STK32C: variants seen among roughly 807,000 people sequenced by gnomAD.
The protein encoded by STK32C is serine/threonine-protein kinase 32C.
Under a neutral mutation model 56.5 loss-of-function variants are expected in STK32C, and 31 were observed. The observed-to-expected ratio is 0.55, with a 90% CI of 0.41 to 0.74. The LOEUF (loss-of-function observed/expected upper bound fraction) is 0.74, where lower values mean the gene tolerates loss of function less well. Among genes scored for constraint, STK32C ranks in the 30% least tolerant of loss-of-function variants. STK32C has a pLI of 0.00. For synonymous variants in STK32C, 309 were observed against 289.4 expected (o/e 1.07, Z -0.69); for missense variants, 544 against 676.9 (o/e 0.80, Z 2.18).
chr10:132,276,848 C>T (rs1217009451), intron 1 of STK32C, among the ~76,000 whole-genome samples: 2 of 152,162 alleles, frequency 1.3e-5, no homozygotes, highest in African/African-American at 4.8e-5. Flanking sequence ...GCGTGGCCCA[C>T]GGTCCCCAAG....
chr10:132,274,368 G>T (rs1289147015), intron 1 of STK32C, among the ~76,000 whole-genome samples: 3 of 152,184 alleles, frequency 2.0e-5, no homozygotes, highest in Non-Finnish European at 4.4e-5. Flanking sequence ...GGGAAAGGCG[G>T]CTGTTTTAAA....
At chr10:132,223,127 G>A (rs1270481743) in intron 8 of STK32C, 141 bp from the exon 9 acceptor site, 1 of 1,183,222 alleles carries the variant, frequency 8.5e-7, no homozygotes, top group Non-Finnish European at 1.2e-6. Context: ...GGCCACGCGA[G>A]GAAGGGTGGT....
chr10:132,276,732 A>G (rs2065008041), intron 1 of STK32C, among the ~76,000 whole-genome samples: 1 of 151,722 alleles, frequency 6.6e-6, no homozygotes, highest in Non-Finnish European at 1.5e-5. Flanking sequence ...AGCTTCAGTG[A>G]GCTATGATTG....
chr10:132,216,795 G>A (rs780023735), intron 10 of STK32C, among the ~76,000 whole-genome samples: 10 of 152,256 alleles, frequency 6.6e-5, no homozygotes, highest in South Asian at 2.1e-4. Flanking sequence ...AGCTGTGGCA[G>A]CTTCCATGTG....
chr10:132,274,511 G>A (rs2064938805), intron 1 of STK32C, among the ~76,000 whole-genome samples: 2 of 152,208 alleles, frequency 1.3e-5, no homozygotes, highest in Admixed American at 1.3e-4. Context: ...AATGTGCAGT[G>A]ACAAAACCTC....
chr10:132,258,991 C>A (rs1025736404), intron 1 of STK32C, among the ~76,000 whole-genome samples: 2 of 152,198 alleles, frequency 1.3e-5, no homozygotes, highest in Admixed American at 6.5e-5. Flanking sequence ...TAAAAGCATT[C>A]ACTCGACAAC....
rs71472739 is a variant in STK32C at position 132,317,000 on chromosome 10, C to CAA, written c.301+14434_301+14435dup. Among the ~76,000 whole-genome samples the CAA allele has an allele frequency of 5.2e-3, 428 of 81,658 alleles. 4 individuals carry two copies. Among genetic ancestry groups the CAA allele is most frequent in the African/African-American group, 0.022 (406 of 18,868 alleles). The allele number at this position is 81,658 out of a possible 152,430, so 53.6% of individuals were successfully genotyped here. A position where few individuals can be genotyped will look rare whatever the true frequency, so the allele number is the denominator to read the frequency against. On this transcript the variant is annotated intron_variant, in intron 1 of 3. Transcript: ENST00000368620. ...CCTGGGACAGAGTGAGACTCCATCT[C>CAA]AAAAAAAAAAAAAAAAAAGATACTT...
intron 1 of STK32C, among the ~76,000 whole-genome samples, chr10:132,256,213 G>A (rs891992801): frequency 1.3e-5 from 2 of 152,114 alleles, no homozygotes; most frequent in Admixed American, 6.5e-5. Flanking sequence ...CCTGGGCTCC[G>A]AAACAATTGT....
intron 2 of STK32C, among the ~76,000 whole-genome samples, chr10:132,231,549 C>G (rs565928238): frequency 5.8e-4 from 88 of 152,336 alleles, no homozygotes; most frequent in Non-Finnish European, 1.1e-3. Context: ...GGTGGAAACG[C>G]CTCGATCCCT....
intron 1 of STK32C, among the ~76,000 whole-genome samples, chr10:132,277,705 C>T (rs184466191): frequency 4.6e-5 from 7 of 152,308 alleles, no homozygotes; most frequent in African/African-American, 7.2e-5. Context: ...CCAAGCTGGT[C>T]GGGGCAAAGC....
chr10:132,295,181 T>C (rs1202726749), intron 1 of STK32C, among the ~76,000 whole-genome samples: 2 of 151,988 alleles, frequency 1.3e-5, no homozygotes, highest in African/African-American at 4.8e-5. Context: ...AGTGACACCA[T>C]GGGCTTCGTA....
chr10:132,284,117 G>A lies in STK32C; in HGVS notation c.262+23455C>T, dbSNP rs147941671. On this transcript the variant is annotated intron_variant, in intron 1 of 11. Coordinates refer to ENST00000298630, the MANE Select transcript of STK32C (RefSeq NM_173575.4). ...CAGAGCTGGCCAACTGAAAGGGCAC[G>A]TGGACCACAGGAGGATGGTGGTGAA... is the stretch of plus-strand genomic sequence containing the variant. 2.2e-3 allele frequency among the ~76,000 whole-genome samples: 330 copies of A among 151,982 alleles called. 3 individuals carry two copies. The highest frequency in any genetic ancestry group is 7.8e-3 in the African/African-American group (321 of 41,400).
intron 1 of STK32C, among the ~76,000 whole-genome samples, chr10:132,250,254 G>A (rs968731232): frequency 6.6e-6 from 1 of 152,142 alleles, no homozygotes; most frequent in South Asian, 2.1e-4. Flanking sequence ...GGTCACTGCA[G>A]AGAGGAGCCC....
chr10:132,277,706 G>A (rs954772714), intron 1 of STK32C, among the ~76,000 whole-genome samples: 4 of 152,202 alleles, frequency 2.6e-5, no homozygotes, highest in Admixed American at 2.0e-4. Context: ...CAAGCTGGTC[G>A]GGGCAAAGCA....
At chr10:132,277,090 T>A (rs1280044372) in intron 1 of STK32C, among the ~76,000 whole-genome samples, 1 of 152,258 alleles carries the variant, frequency 6.6e-6, no homozygotes, top group Non-Finnish European at 1.5e-5. Flanking sequence ...AGTGTAAGAC[T>A]CTGTTCTCTT....
chr10:132,304,768 C>G (rs1325926372), intron 1 of STK32C, among the ~76,000 whole-genome samples: 1 of 152,236 alleles, frequency 6.6e-6, no homozygotes, highest in Admixed American at 6.5e-5. Flanking sequence ...TCTGGTGGCC[C>G]CTGGTCCTGC....
downstream of STK32C, among the ~76,000 whole-genome samples, chr10:132,321,975 CAA>C (rs2066417447): frequency 1.3e-5 from 2 of 152,156 alleles, no homozygotes; most frequent in Non-Finnish European, 2.9e-5. Flanking sequence ...CTTGAGAATT[CAA>C]CCCTGCACAG....
chr10:132,211,824 G>A (rs2818411), intron 10 of STK32C, among the ~76,000 whole-genome samples: 14,978 of 152,154 alleles, frequency 0.098, 824 homozygotes, highest in Middle Eastern at 0.16. Context: ...CCTGAAGTCC[G>A]AAGCCACTCC....
chr10:132,270,792 T>A (rs2064792587), intron 1 of STK32C, among the ~76,000 whole-genome samples: 1 of 152,102 alleles, frequency 6.6e-6, no homozygotes, highest in Non-Finnish European at 1.5e-5. Context: ...CAGAGCTCCA[T>A]CCTGGCCACG....
Sources: allele counts gnomAD v4.1 joint callset (sites outside exome capture counted in the v4.1 genomes callset), GRCh38; gene constraint gnomAD v4.1.1; transcripts MANE v1.5; gene names NCBI Gene and HGNC (gene_info 2026-07-23, HGNC 2026-07-21).